Variants in POLR3B observed in about 807,000 individuals in gnomAD.
POLR3B encodes DNA-directed RNA polymerase III subunit RPC2.
In POLR3B, 96 loss-of-function variants were observed where a neutral mutation model predicts 147.4. The observed-to-expected ratio is 0.65, with a 90% CI of 0.55 to 0.77. The LOEUF is 0.77. POLR3B is among the 30% of genes least tolerant of loss of function. The pLI, the probability that POLR3B is intolerant of heterozygous loss-of-function variation, is 0.00. For synonymous variants in POLR3B, 461 were observed against 485.9 expected, an observed-to-expected ratio of 0.95 and a Z score of 0.67; for missense variants, 1,036 against 1,413.5, an observed-to-expected ratio of 0.73 and a Z score of 4.28.
intron 19 of POLR3B, among the ~76,000 whole-genome samples, chr12:106,448,010 A>AT (rs1458904729): frequency 1.3e-5 from 2 of 152,194 alleles, no homozygotes; most frequent in Non-Finnish European, 2.9e-5. Context: ...AAAGATCCTC[A>AT]TAAAATTTTG....
chr12:106,487,913 A>G (rs961382500), intron 23 of POLR3B, among the ~76,000 whole-genome samples: 33 of 152,342 alleles, frequency 2.2e-4, no homozygotes, highest in Admixed American at 6.5e-4. Context: ...GTGCTGCATG[A>G]TAAGCAAAGA....
intron 23 of POLR3B, among the ~76,000 whole-genome samples, chr12:106,470,943 C>T (rs897777102): frequency 2.0e-5 from 3 of 152,122 alleles, no homozygotes; most frequent in African/African-American, 7.2e-5. Context: ...GGCAGTCTGT[C>T]CATTATCAGA....
intron 7 of POLR3B, among the ~76,000 whole-genome samples, chr12:106,377,801 T>C (rs1339573041): frequency 6.6e-6 from 1 of 152,196 alleles, no homozygotes; most frequent in Non-Finnish European, 1.5e-5. Flanking sequence ...CTTCAGTCCA[T>C]AAAACAATAT....
intron 18 of POLR3B, among the ~76,000 whole-genome samples, chr12:106,438,176 A>G (rs1030176572): frequency 6.6e-6 from 1 of 151,994 alleles, no homozygotes; most frequent in Admixed American, 6.6e-5. Flanking sequence ...TTTGCTGAGG[A>G]TGGCTTCCAG....
chr12:106,359,482 C>T (rs896141207), intron 1 of POLR3B, among the ~76,000 whole-genome samples: 1 of 151,998 alleles, frequency 6.6e-6, no homozygotes, highest in African/African-American at 2.4e-5. Flanking sequence ...CAGGCGCCCA[C>T]CATCACCGCC....
chr12:106,365,791 G>T (rs1377288450), intron 2 of POLR3B, among the ~76,000 whole-genome samples: 1 of 151,730 alleles, frequency 6.6e-6, no homozygotes, highest in African/African-American at 2.4e-5. Flanking sequence ...GCAGGGAGGC[G>T]GACGTTGCAG....
At chr12:106,496,296 A>G in intron 24 of POLR3B, 138 bp downstream of exon 24, 1 of 719,008 alleles carries the variant, frequency 1.4e-6, no homozygotes. Flanking sequence ...TGCCAGATAA[A>G]CAGGCTTCCA....
intron 9 of POLR3B, among the ~76,000 whole-genome samples, chr12:106,380,758 C>CA (rs1381043537): frequency 6.6e-6 from 1 of 152,066 alleles, no homozygotes; most frequent in African/African-American, 2.4e-5. Context: ...CAAAACCAAA[C>CA]AAAAAATCAG....
intron 6 of POLR3B, among the ~76,000 whole-genome samples, chr12:106,371,840 A>G (rs929465451): frequency 6.6e-5 from 10 of 151,144 alleles, no homozygotes; most frequent in African/African-American, 2.4e-4. Context: ...CCTAATGCTA[A>G]ATGACGAGTT....
chr12:106,500,555 C>T (rs528717597), intron 25 of POLR3B, among the ~76,000 whole-genome samples: 2 of 152,226 alleles, frequency 1.3e-5, no homozygotes, highest in Non-Finnish European at 2.9e-5. Flanking sequence ...GAGACAGGGC[C>T]GGAGTGACGA....
rs1443910291 is a variant in POLR3B at position 106,472,955 on chromosome 12, T to C, written c.2713+9335T>C. Among the ~76,000 whole-genome samples the C allele has an allele frequency of 2.3e-5, 3 of 131,710 alleles. 1 individual carries two copies. Among genetic ancestry groups the C allele is most frequent in the African/African-American group, 3.3e-5 (1 of 30,638 alleles). The allele number at this position is 131,710 out of a possible 152,430, so 86.4% of individuals were successfully genotyped here. A position where few individuals can be genotyped will look rare whatever the true frequency, so the allele number is the denominator to read the frequency against. ...TCCCTGCCCACGCCTATGTCCTGAA[T>C]GGTAATGCCTAGGTTTTCTTCTAGG... On this transcript the variant is annotated intron_variant, in intron 23 of 27. Coordinates refer to ENST00000228347, the MANE Select transcript of POLR3B (RefSeq NM_018082.6).
intron 12 of POLR3B, among the ~76,000 whole-genome samples, chr12:106,416,482 G>A (rs2136942988): frequency 6.6e-6 from 1 of 152,066 alleles, no homozygotes; most frequent in South Asian, 2.1e-4. Context: ...CTATTCACTT[G>A]GTACAAAGCA....
intron 23 of POLR3B, among the ~76,000 whole-genome samples, chr12:106,487,426 T>C (rs1245258405): frequency 1.3e-5 from 2 of 152,222 alleles, no homozygotes; most frequent in African/African-American, 4.8e-5. Flanking sequence ...TATGAGAAAA[T>C]TTAAAAATTC....
intron 9 of POLR3B, among the ~76,000 whole-genome samples, chr12:106,386,998 A>G (rs1461067768): frequency 6.6e-6 from 1 of 152,218 alleles, no homozygotes; most frequent in Non-Finnish European, 1.5e-5. Flanking sequence ...CACACAGCTG[A>G]CTTAAATCCT....
At chr12:106,442,911 A>T (rs2037672512) in intron 18 of POLR3B, among the ~76,000 whole-genome samples, 1 of 152,168 alleles carries the variant, frequency 6.6e-6, no homozygotes, top group Non-Finnish European at 1.5e-5. Context: ...CATTTGGCCA[A>T]AAAACTGAAT....
intron 14 of POLR3B, among the ~76,000 whole-genome samples, chr12:106,431,658 T>G (rs567133931): frequency 6.6e-6 from 1 of 152,238 alleles, no homozygotes; most frequent in Non-Finnish European, 1.5e-5. Flanking sequence ...GAACATCTTA[T>G]GTAACCATAG....
Position 106,449,867 on chromosome 12 carries a change from G to A in POLR3B, c.2084-4635G>A, listed in dbSNP as rs144216505. Among the ~76,000 whole-genome samples the A allele has an allele frequency of 2.6e-5, 4 of 152,258 alleles. No individual in the cohort carries two copies. In the East Asian group the frequency reaches 7.7e-4, roughly 29 times the overall value. On this transcript the variant is annotated intron_variant, in intron 19 of 27. Coordinates refer to ENST00000228347, the MANE Select transcript of POLR3B (RefSeq NM_018082.6). Reference sequence around the variant, plus strand: ...CTTAGTAGGGAATATAGTAAGTCATGTTTCAAAAATGAATGAATGAATGAA... The same window carrying A: ...CTTAGTAGGGAATATAGTAAGTCATATTTCAAAAATGAATGAATGAATGAA...
chr12:106,484,706 A>C (rs1247519873), intron 23 of POLR3B, among the ~76,000 whole-genome samples: 2 of 152,126 alleles, frequency 1.3e-5, no homozygotes, highest in Admixed American at 1.3e-4. Context: ...TGTGTACTTT[A>C]GATTACGATC....
intron 12 of POLR3B, among the ~76,000 whole-genome samples, chr12:106,416,774 G>C (rs2037309091): frequency 6.6e-6 from 1 of 152,148 alleles, no homozygotes; most frequent in African/African-American, 2.4e-5. Flanking sequence ...CTTTCACAGA[G>C]CCTGCAGGGT....
Sources: allele counts gnomAD v4.1 joint callset (sites outside exome capture counted in the v4.1 genomes callset), GRCh38; gene constraint gnomAD v4.1.1; transcripts MANE v1.5; gene names NCBI Gene and HGNC (gene_info 2026-07-23, HGNC 2026-07-21).